Variants in TTC1 observed in about 807,000 individuals in gnomAD.
The protein encoded by TTC1 is tetratricopeptide repeat protein 1.
TTC1 carries 31 observed loss-of-function variants against 37.6 expected under a neutral mutation model. The observed-to-expected ratio is 0.82, with a 90% CI of 0.62 to 1.11. The LOEUF (loss-of-function observed/expected upper bound fraction) is 1.11, where lower values mean the gene tolerates loss of function less well. Ranked by LOEUF, TTC1 falls within the 50% of genes most tolerant of loss-of-function variation. The pLI is 0.00. For missense variants in TTC1, 351 were observed against 339.0 expected (o/e 1.04, Z -0.28); for synonymous variants, 127 against 122.4 (o/e 1.04, Z -0.25).
chr5:160,019,669 CCTCCGCCTCCCGGATTCAAGCGATTCTCT>C (rs1179998489), intron 2 of TTC1, among the ~76,000 whole-genome samples: 2 of 148,038 alleles, frequency 1.4e-5, no homozygotes, highest in East Asian at 4.1e-4. Context: ...CTCACTGCAA[CCTCCGCCTCCCGGATTCAAGCGATTCTCT>C]CTCTGCCTCC....
At chr5:160,062,848 G>C (rs1331339414) in intron 7 of TTC1, among the ~76,000 whole-genome samples, 1 of 151,826 alleles carries the variant, frequency 6.6e-6, no homozygotes, top group Non-Finnish European at 1.5e-5. Flanking sequence ...TCCAACCCCA[G>C]AACAAACTGC....
At chr5:160,021,085 C>G (rs1304517243) in intron 2 of TTC1, among the ~76,000 whole-genome samples, 1 of 152,104 alleles carries the variant, frequency 6.6e-6, no homozygotes, top group Non-Finnish European at 1.5e-5. Context: ...TAAGAAAGGT[C>G]ACTTTGTGTA....
At chr5:160,045,513 C>T (rs1379880332) in intron 5 of TTC1, among the ~76,000 whole-genome samples, 14 of 50,338 alleles carry the variant, frequency 2.8e-4, no homozygotes, top group Admixed American at 1.1e-3. Context: ...CACACACACA[C>T]ATACACACTC....
chr5:160,029,950 C>T (rs1249656681), intron 2 of TTC1, among the ~76,000 whole-genome samples: 2 of 152,208 alleles, frequency 1.3e-5, no homozygotes, highest in Admixed American at 6.5e-5. Context: ...TGACAGGAGC[C>T]TCTTCTGCCC....
intron 2 of TTC1, among the ~76,000 whole-genome samples, chr5:160,018,264 T>C (rs1166706270): frequency 3.9e-5 from 6 of 152,130 alleles, no homozygotes; most frequent in Admixed American, 2.0e-4. Context: ...TTCCAGCCCC[T>C]AGAGCTGTGC....
At chr5:160,029,471 C>G (rs1424122142) in intron 2 of TTC1, among the ~76,000 whole-genome samples, 2 of 138,996 alleles carry the variant, frequency 1.4e-5, no homozygotes, top group African/African-American at 5.6e-5. Flanking sequence ...GTGAGACCCC[C>G]CCATCTCTAC....
At chr5:160,038,502 A>G (rs2113371996) in intron 4 of TTC1, among the ~76,000 whole-genome samples, 1 of 152,332 alleles carries the variant, frequency 6.6e-6, no homozygotes, top group East Asian at 1.9e-4. Context: ...TTGGGCTCAC[A>G]TAAATAGTCT....
intron 2 of TTC1, among the ~76,000 whole-genome samples, chr5:160,014,698 G>A (rs1238018537): frequency 6.6e-6 from 1 of 152,036 alleles, no homozygotes; most frequent in Admixed American, 6.6e-5. Context: ...GTGAGACCTT[G>A]TCTCAAAATG....
In TTC1 at chr5:160,036,736, G is replaced by A. The variant is rs1319317472; in HGVS notation, c.437G>A (p.Cys146Tyr). 1 of 1,613,954 alleles carries A rather than the reference G, an allele frequency of 6.2e-7. No homozygotes were observed. Residue 146 changes from cysteine to tyrosine, a missense_variant, in exon 4 of 8, where the codon TGC (cysteine) becomes TAC (tyrosine). Physicochemically the swap from Cys to Tyr is radical, Grantham distance 194 (BLOSUM62 -2). Transcript: ENST00000231238. ...TCTTATAGTCGAGCCCTCGAAATGT[G>A]CCCATCCTGCTTCCAAAAGGAGAGG... is the stretch of plus-strand genomic sequence containing the variant. ...ESSYSRALEMCPSCFQKERSI... is the reference protein window; with the variant it reads ...ESSYSRALEMYPSCFQKERSI...
Position 160,055,638 on chromosome 5 carries a change from A to C in TTC1, c.745+4455A>C, listed in dbSNP as rs1362116790. ...GATTTAAGATGGAGCTCAGCAATCT[A>C]AGTTTTAACCTCTCAAGTGTTTCTG... On this transcript the variant is annotated intron_variant, in intron 7 of 7. Transcript: ENST00000231238. Among the ~76,000 whole-genome samples the C allele has an allele frequency of 2.0e-5, 3 of 152,204 alleles. No homozygotes were observed. The East Asian group carries it at 5.8e-4, about 29-fold the overall frequency.
intron 2 of TTC1, among the ~76,000 whole-genome samples, chr5:160,015,029 T>C (rs1238017551): frequency 6.6e-6 from 1 of 152,196 alleles, no homozygotes; most frequent in Non-Finnish European, 1.5e-5. Context: ...TGATAACACC[T>C]GAGTTCATCC....
chr5:160,065,105 G>T lies in TTC1; in HGVS notation c.*40G>T. On this transcript the variant is annotated 3_prime_UTR_variant, in exon 8 of 8. Coordinates refer to ENST00000231238, the MANE Select transcript of TTC1 (RefSeq NM_003314.3). ...GCTTTACAAGCTGACTTGGAATTGT[G>T]TGCTGCTTGCTGTTAGCTAGGGGAA... is the stretch of plus-strand genomic sequence containing the variant. The T allele has an allele frequency of 1.3e-6, 2 of 1,596,296 alleles. No individual in the cohort carries two copies. The highest frequency in any genetic ancestry group is 1.7e-6 in the Non-Finnish European group (2 of 1,174,866).
rs144002748 is a variant in TTC1, at chr5:160,045,061, A to G, written c.541+1892A>G. On this transcript the variant is annotated intron_variant, in intron 5 of 7. Transcript: ENST00000231238. The stretch of plus-strand genomic sequence containing the variant: ...TTGTTTGGAAGAAGTTATTTAACCT[A>G]TTTCCTTTATGTGAGGATGTGTGGG... Among the ~76,000 whole-genome samples the G allele has an allele frequency of 3.9e-3, 587 of 152,230 alleles. 3 individuals carry two copies. The highest frequency in any genetic ancestry group is 0.013 in the African/African-American group (541 of 41,548).
intron 2 of TTC1, among the ~76,000 whole-genome samples, chr5:160,012,188 GAT>G (rs1756514777): frequency 1.3e-5 from 2 of 152,070 alleles, no homozygotes; most frequent in Admixed American, 1.3e-4. Flanking sequence ...GTGCTTTTCT[GAT>G]ACCTTAATAT....
intron 4 of TTC1, among the ~76,000 whole-genome samples, chr5:160,041,591 GC>G (rs1757093923): frequency 6.6e-6 from 1 of 151,964 alleles, no homozygotes; most frequent in Non-Finnish European, 1.5e-5. Flanking sequence ...GAGATTACAG[GC>G]ATAAGCCACC....
intron 2 of TTC1, among the ~76,000 whole-genome samples, chr5:160,019,598 T>C (rs1424224705): frequency 6.8e-6 from 1 of 147,726 alleles, no homozygotes; most frequent in Non-Finnish European, 1.5e-5. Context: ...TTTTTTTTTT[T>C]TTTTTGAGAT....
intron 2 of TTC1, chr5:160,023,662 G>T: frequency 1.6e-6 from 2 of 1,250,864 alleles, no homozygotes; most frequent in Non-Finnish European, 1.1e-6. Context: ...CCAAATACAA[G>T]GCTCAATGGG....
Position 160,045,524 on chromosome 5 carries a change from T to TCTCTCC in TTC1, c.541+2360_541+2361insCCTCTC, listed in dbSNP as rs1290492860. On this transcript the variant is annotated intron_variant, in intron 5 of 7. Transcript: ENST00000231238. ...CACACACACACACACATACACACTCTCTCTCTCTCTCTCTCTCTCTCTCTC... is the reference window on the plus strand; with the variant it reads ...CACACACACACACACATACACACTCTCTCTCCCTCTCTCTCTCTCTCTCTCTCTCTC... 2.8e-3 allele frequency among the ~76,000 whole-genome samples: 298 copies of TCTCTCC among 106,522 alleles called. 17 individuals carry two copies. The highest frequency in any genetic ancestry group is 0.011 in the African/African-American group (285 of 25,030). 69.9% of individuals were successfully genotyped at this position (106,522 alleles called of 152,430 possible). A position where few individuals can be genotyped will look rare whatever the true frequency, so the allele number is the denominator to read the frequency against.
rs145154026 is a variant in TTC1 at position 160,056,379 on chromosome 5, C to CA, written c.745+5196_745+5197insA. On this transcript the variant is annotated intron_variant, in intron 7 of 7. Coordinates refer to ENST00000231238, the MANE Select transcript of TTC1 (RefSeq NM_003314.3). ...TTGTTCACTCCTGGCCACTAGCAAT[C>CA]TGATGAGGGCACATTGTGAGCTGAA... Among the ~76,000 whole-genome samples, 500 of 152,316 alleles carry CA rather than the reference C, an allele frequency of 3.3e-3. 2 individuals are homozygous for CA. Among genetic ancestry groups the CA allele is most frequent in the African/African-American group, 0.011 (454 of 41,574 alleles).
Sources: allele counts gnomAD v4.1 joint callset (sites outside exome capture counted in the v4.1 genomes callset), GRCh38; gene constraint gnomAD v4.1.1; transcripts MANE v1.5; gene names NCBI Gene and HGNC (gene_info 2026-07-23, HGNC 2026-07-21).